Variants in MYOZ2 observed in about 807,000 individuals in gnomAD.
The protein encoded by MYOZ2 is myozenin-2.
A neutral mutation model predicts 25.4 loss-of-function variants in MYOZ2; 19 were observed. The ratio of observed to expected loss-of-function variants is 0.75; its 90% confidence interval spans 0.52 to 1.10. The LOEUF is 1.10. MYOZ2 is among the 50% of genes least tolerant of loss of function. The probability of loss-of-function intolerance (pLI) is 0.00; values close to 1 mark genes in which losing one functional copy is unlikely to be tolerated. For missense variants in MYOZ2, 270 were observed against 317.9 expected (o/e 0.85, Z 1.15); for synonymous variants, 92 against 106.9 (o/e 0.86, Z 0.86).
intron 5 of MYOZ2, among the ~76,000 whole-genome samples, chr4:119,182,050 GC>G (rs145529814): frequency 0.019 from 2,879 of 152,200 alleles, 94 homozygotes; most frequent in African/African-American, 0.066. Flanking sequence ...GTATTCAGAA[GC>G]TTTTGGGATT....
chr4:119,185,695 G>A (rs1158528901), intron 5 of MYOZ2, among the ~76,000 whole-genome samples: 2 of 152,158 alleles, frequency 1.3e-5, no homozygotes, highest in Non-Finnish European at 2.9e-5. Context: ...AGTGTACAGG[G>A]AATAGATTAG....
chr4:119,181,313 T>A (rs1246182306), intron 5 of MYOZ2, among the ~76,000 whole-genome samples: 1 of 152,196 alleles, frequency 6.6e-6, no homozygotes, highest in Admixed American at 6.5e-5. Context: ...AGGAGAGTTG[T>A]TTTCCATATC....
At chr4:119,160,782 T>A (rs559450172) in intron 4 of MYOZ2, among the ~76,000 whole-genome samples, 2 of 152,236 alleles carry the variant, frequency 1.3e-5, no homozygotes, top group Non-Finnish European at 2.9e-5. Context: ...AATTGACGTG[T>A]AATAATTGTA....
Position 119,185,884 on chromosome 4 carries a change from G to A in MYOZ2, c.561-82G>A, listed in dbSNP as rs1578374167. The A allele has an allele frequency of 3.1e-5, 35 of 1,119,706 alleles. No homozygotes were observed. In the East Asian group the frequency reaches 8.6e-4, roughly 27 times the overall value. 69.4% of individuals were successfully genotyped at this position (1,119,706 alleles called of 1,614,324 possible). A position where few individuals can be genotyped will look rare whatever the true frequency, so the allele number is the denominator to read the frequency against. On this transcript the variant is annotated intron_variant, in intron 5 of 5. Transcript: ENST00000307128. Reference sequence around the variant, plus strand: ...GAATTAAATACACCCATAAAATCATGCCTATAAAATTATGAAATTGTTTTC... The same window carrying A: ...GAATTAAATACACCCATAAAATCATACCTATAAAATTATGAAATTGTTTTC...
chr4:119,187,516 T>G lies in MYOZ2; in HGVS notation c.*1316T>G, dbSNP rs919052118. 1 of 152,064 alleles carries G rather than the reference T, an allele frequency of 6.6e-6. No individual in the cohort carries two copies. Among genetic ancestry groups the G allele is most frequent in the African/African-American group, 2.4e-5 (1 of 41,436 alleles). The allele number at this position is 152,064 out of a possible 1,614,324, so 9.4% of individuals were successfully genotyped here. ...CTGTTTTAATCATCATCTAGACTTG[T>G]TAAGTAGAAAAATTTTAAAAATTTG... On this transcript the variant is annotated 3_prime_UTR_variant, in exon 6 of 6. Coordinates refer to ENST00000307128, the MANE Select transcript of MYOZ2 (RefSeq NM_016599.5).
intron 5 of MYOZ2, among the ~76,000 whole-genome samples, chr4:119,174,424 C>T (rs1281124485): frequency 6.6e-6 from 1 of 152,114 alleles, no homozygotes; most frequent in Non-Finnish European, 1.5e-5. Flanking sequence ...TCTGGTGGGG[C>T]CTTGGAGAAC....
chr4:119,149,133 G>A (rs1741386325), intron 2 of MYOZ2, among the ~76,000 whole-genome samples: 1 of 152,074 alleles, frequency 6.6e-6, no homozygotes, highest in Non-Finnish European at 1.5e-5. Context: ...GTAGAAGTCT[G>A]GGTTCCCTAT....
chr4:119,155,565 C>G lies in MYOZ2; in HGVS notation c.247-2457C>G, dbSNP rs191567579. ...AGAACAGAAAAGAGGGCATTCAAAG[C>G]AGGTGAAACAGCTTGTGGGGCTGAG... On this transcript the variant is annotated intron_variant, in intron 3 of 5. Coordinates refer to ENST00000307128, the MANE Select transcript of MYOZ2 (RefSeq NM_016599.5). Among the ~76,000 whole-genome samples the G allele has an allele frequency of 9.7e-4, 147 of 152,164 alleles. 1 individual carries two copies. The highest frequency in any genetic ancestry group is 3.4e-3 in the Middle Eastern group (1 of 292).
At chr4:119,149,285 A>C (rs938158239) in intron 2 of MYOZ2, among the ~76,000 whole-genome samples, 1 of 152,136 alleles carries the variant, frequency 6.6e-6, no homozygotes, top group Non-Finnish European at 1.5e-5. Flanking sequence ...CCAACTTCCC[A>C]CTCGGTCTCT....
intron 5 of MYOZ2, among the ~76,000 whole-genome samples, chr4:119,178,772 A>G (rs1346216985): frequency 6.6e-6 from 1 of 152,018 alleles, no homozygotes; most frequent in Non-Finnish European, 1.5e-5. Flanking sequence ...TCACCCGGCT[A>G]ATTTTTGTGT....
rs138154052 is a variant in MYOZ2 at position 119,182,069 on chromosome 4, C to A, written c.561-3897C>A. Among the ~76,000 whole-genome samples the A allele has an allele frequency of 1.3e-3, 202 of 152,216 alleles. 2 individuals are homozygous for A. In the East Asian group the frequency reaches 0.025, roughly 19 times the overall value. On this transcript the variant is annotated intron_variant, in intron 5 of 5. Transcript: ENST00000307128. ...TCAGAAGCTTTTGGGATTATTTTCT[C>A]CACTGTGCATAATAAAAACTTCTTA...
rs777324494 is a variant in MYOZ2 at position 119,186,146 on chromosome 4, G to A, written c.741G>A (p.Val247=). 1 of 1,613,858 alleles carries A rather than the reference G, an allele frequency of 6.2e-7. No individual in the cohort carries two copies. Residue 247 remains valine, a synonymous_variant, in exon 6 of 6, where the codon GTG becomes GTA. Transcript: ENST00000307128. ...GGATATCTGAGAATATTCCTATAGT[G>A]ATAACAACCGAACCTACAGATGATA... ...KGWISENIPI[V]ITTEPTDDTT... is the part of the protein sequence containing the mutation.
At chr4:119,144,156 C>A (rs1741235489) in intron 2 of MYOZ2, among the ~76,000 whole-genome samples, 1 of 152,174 alleles carries the variant, frequency 6.6e-6, no homozygotes, top group African/African-American at 2.4e-5. Flanking sequence ...AATCACTATT[C>A]TGCTCTCCAT....
chr4:119,180,200 T>C (rs1742159295), intron 5 of MYOZ2, among the ~76,000 whole-genome samples: 1 of 152,228 alleles, frequency 6.6e-6, no homozygotes, highest in South Asian at 2.1e-4. Flanking sequence ...ATTTTATTTT[T>C]TCTCCAGTGC....
At chr4:119,156,160 G>A (rs1431737518) in intron 3 of MYOZ2, among the ~76,000 whole-genome samples, 1 of 151,864 alleles carries the variant, frequency 6.6e-6, no homozygotes, top group Non-Finnish European at 1.5e-5. Context: ...GGAAGGGGAG[G>A]AAGAATAAGG....
intron 5 of MYOZ2, among the ~76,000 whole-genome samples, chr4:119,173,928 G>A (rs1016350986): frequency 1.3e-5 from 2 of 152,232 alleles, no homozygotes; most frequent in South Asian, 2.1e-4. Context: ...CTTAGCACTC[G>A]GGCCAGCGGC....
intron 3 of MYOZ2, among the ~76,000 whole-genome samples, chr4:119,154,069 G>T (rs1741516096): frequency 6.6e-6 from 1 of 151,970 alleles, no homozygotes; most frequent in Non-Finnish European, 1.5e-5. Flanking sequence ...CTGGGAAAAG[G>T]GGAATTATAC....
rs566036530 is a variant in MYOZ2 at position 119,174,049 on chromosome 4, C to T, written c.560+9655C>T. On this transcript the variant is annotated intron_variant, in intron 5 of 5. Transcript: ENST00000307128. ...AGGGCAGGGCTTGGGACCTGCAGCC[C>T]GCCATGCCTGAGCCTCCCACCCCCT... Among the ~76,000 whole-genome samples, 13 of 152,344 alleles carry T rather than the reference C, an allele frequency of 8.5e-5. No homozygotes were observed. In the South Asian group the frequency reaches 1.9e-3, roughly 22 times the overall value.
At chr4:119,154,892 A>ACACACACACACAC (rs58689464) in intron 3 of MYOZ2, among the ~76,000 whole-genome samples, 55 of 148,402 alleles carry the variant, frequency 3.7e-4, no homozygotes, top group Non-Finnish European at 6.7e-4. Flanking sequence ...CACACACACA[A>ACACACACACACAC]TGCCTTTCTT....
Sources: allele counts gnomAD v4.1 joint callset (sites outside exome capture counted in the v4.1 genomes callset), GRCh38; gene constraint gnomAD v4.1.1; transcripts MANE v1.5; gene names NCBI Gene and HGNC (gene_info 2026-07-23, HGNC 2026-07-21).